PCDH15: variants seen among roughly 807,000 people sequenced by gnomAD.
The protein encoded by PCDH15 is protocadherin-15.
PCDH15 carries 129 observed loss-of-function variants against 178.5 expected under a neutral mutation model. The observed-to-expected ratio is 0.72, with a 90% CI of 0.63 to 0.84. PCDH15 has a LOEUF of 0.84. Among genes scored for constraint, PCDH15 ranks in the 40% least tolerant of loss-of-function variants. The pLI is 0.00. For synonymous variants in PCDH15, 800 were observed against 732.0 expected, an observed-to-expected ratio of 1.09 and a Z score of -1.50; for missense variants, 2,230 against 2,099.9, an observed-to-expected ratio of 1.06 and a Z score of -1.21.
rs577140718 is a variant in PCDH15 at position 54,925,822 on chromosome 10, A to T, written c.-79-28322T>A. 1.8e-4 allele frequency among the ~76,000 whole-genome samples: 27 copies of T among 152,232 alleles called. No homozygotes were observed. In the East Asian group the frequency reaches 3.9e-3, roughly 22 times the overall value. On this transcript the variant is annotated intron_variant, in intron 2 of 5. Transcript: ENST00000458638. ...TCCTGAGTTTTTGCTGAAGTTGTTT[A>T]TTAGCTTAAGAAACTTTTGAGCTGA...
intron 2 of PCDH15, among the ~76,000 whole-genome samples, chr10:55,616,064 T>A (rs1373988658): frequency 1.3e-5 from 2 of 152,306 alleles, no homozygotes; most frequent in East Asian, 3.9e-4. Flanking sequence ...TGTATCTAAG[T>A]GGGACAACAG....
At chr10:55,244,257 T>A (rs895170882) in intron 1 of PCDH15, among the ~76,000 whole-genome samples, 1 of 152,050 alleles carries the variant, frequency 6.6e-6, no homozygotes, top group Non-Finnish European at 1.5e-5. Context: ...TTTCTGCTTG[T>A]CTTTTATTTA....
At chr10:53,959,106 T>A (rs1045480255) in intron 23 of PCDH15, among the ~76,000 whole-genome samples, 1 of 149,000 alleles carries the variant, frequency 6.7e-6, no homozygotes, top group African/African-American at 2.5e-5. Context: ...AACTATAATA[T>A]ATAATATTGG....
chr10:54,027,178 C>T lies in PCDH15; in HGVS notation c.2221-3981G>A, dbSNP rs551925451. 5.5e-3 allele frequency among the ~76,000 whole-genome samples: 813 copies of T among 148,110 alleles called. 6 individuals carry two copies. The highest frequency in any genetic ancestry group is 0.02 in the African/African-American group (765 of 38,992). On this transcript the variant is annotated intron_variant, in intron 18 of 37. Transcript: ENST00000644397. The stretch of plus-strand genomic sequence containing the variant: ...AACAGAGAGCCAAATCATGAGTGAA[C>T]TCCCATTCACAATTGCTTCAAAGAG...
intron 4 of PCDH15, among the ~76,000 whole-genome samples, chr10:54,373,927 T>A (rs918831438): frequency 6.6e-6 from 1 of 151,968 alleles, no homozygotes; most frequent in Non-Finnish European, 1.5e-5. Flanking sequence ...TAAGAAAAAA[T>A]TGGATATGGT....
chr10:54,421,912 CTA>C (rs67936546), intron 3 of PCDH15, among the ~76,000 whole-genome samples: 58,317 of 98,720 alleles, frequency 0.59, 16,227 homozygotes, highest in Middle Eastern at 0.7. Flanking sequence ...TATATATACA[CTA>C]TATATATATA....
chr10:54,294,928 G>A (rs1207157750), intron 8 of PCDH15, among the ~76,000 whole-genome samples: 1 of 152,210 alleles, frequency 6.6e-6, no homozygotes, highest in African/African-American at 2.4e-5. Flanking sequence ...AATTTGGGAA[G>A]AAAGGATGGG....
chr10:55,269,987 A>C (rs1311636969), intron 1 of PCDH15, among the ~76,000 whole-genome samples: 1 of 152,178 alleles, frequency 6.6e-6, no homozygotes, highest in Non-Finnish European at 1.5e-5. Context: ...GAACAGTTAC[A>C]ACTATCAGAT....
chr10:54,383,242 A>C, intron 3 of PCDH15, among the ~76,000 whole-genome samples: 1 of 152,170 alleles, frequency 6.6e-6, no homozygotes, highest in East Asian at 1.9e-4. Context: ...CCAGCAAGAA[A>C]AAAAAAAGAC....
At chr10:54,948,406 A>C (rs1838245387) in intron 2 of PCDH15, among the ~76,000 whole-genome samples, 1 of 151,970 alleles carries the variant, frequency 6.6e-6, no homozygotes, top group African/African-American at 2.4e-5. Context: ...AATCTGCTTT[A>C]TCAATGTGAT....
chr10:54,733,801 G>A (rs1943715969), intron 1 of PCDH15, among the ~76,000 whole-genome samples: 1 of 150,948 alleles, frequency 6.6e-6, no homozygotes, highest in Admixed American at 6.7e-5. Context: ...CCACACAAAT[G>A]TTTATTTTCT....
intron 1 of PCDH15, among the ~76,000 whole-genome samples, chr10:54,738,753 G>A (rs559172153): frequency 6.6e-5 from 10 of 152,094 alleles, no homozygotes; most frequent in Admixed American, 4.6e-4. Flanking sequence ...TTAAACATAT[G>A]CTAATCAATA....
intron 3 of PCDH15, among the ~76,000 whole-genome samples, chr10:54,446,150 C>T (rs114879039): frequency 6.6e-6 from 1 of 151,504 alleles, no homozygotes; most frequent in Non-Finnish European, 1.5e-5. Context: ...AACTAGTACA[C>T]AAAACATTAG....
intron 2 of PCDH15, among the ~76,000 whole-genome samples, chr10:55,079,400 T>C (rs1841984127): frequency 6.6e-6 from 1 of 152,198 alleles, no homozygotes; most frequent in Non-Finnish European, 1.5e-5. Context: ...TGACTTAGAA[T>C]GTGGTTATTA....
intron 1 of PCDH15, among the ~76,000 whole-genome samples, chr10:54,790,977 TA>T (rs1951353473): frequency 1.3e-5 from 2 of 151,818 alleles, no homozygotes; most frequent in South Asian, 4.1e-4. Context: ...AGAAAAATAT[TA>T]AGACCCACAA....
intron 37 of PCDH15, 98 bp from the exon 38 acceptor site, chr10:53,807,228 G>T: frequency 1.0e-6 from 1 of 998,096 alleles, no homozygotes; most frequent in Non-Finnish European, 1.4e-6. Context: ...CATTTAGAAA[G>T]CTGTCAAAGG....
chr10:54,026,275 G>T (rs79665104), intron 18 of PCDH15, among the ~76,000 whole-genome samples: 155 of 152,014 alleles, frequency 1.0e-3, no homozygotes, highest in African/African-American at 3.5e-3. Flanking sequence ...TCCTCTTGTT[G>T]CCCAGGTCAG....
rs546701366 is a variant in PCDH15 at position 55,303,650 on chromosome 10, G to T, written c.-156+15949C>A. On this transcript the variant is annotated intron_variant, in intron 1 of 5. Coordinates refer to the PCDH15 transcript ENST00000458638. ...AATTTTGGTAGTTGGTGTTTTTTTTGGTAGAAATAGGTGTATTTCATCTAA... is the reference window on the plus strand; with the variant it reads ...AATTTTGGTAGTTGGTGTTTTTTTTTGTAGAAATAGGTGTATTTCATCTAA... 1.9e-3 allele frequency among the ~76,000 whole-genome samples: 285 copies of T among 151,836 alleles called. 3 individuals are homozygous for T. Among genetic ancestry groups the T allele is most frequent in the African/African-American group, 6.1e-3 (254 of 41,442 alleles).
chr10:54,077,542 C>T (rs1321901425), intron 17 of PCDH15, among the ~76,000 whole-genome samples: 7 of 151,868 alleles, frequency 4.6e-5, no homozygotes, highest in African/African-American at 1.7e-4. Flanking sequence ...TTCTTTTTTT[C>T]CTATTTTATT....
Sources: gnomAD v4.1 joint callset for allele counts (sites outside exome capture counted in the v4.1 genomes callset) on GRCh38, gnomAD v4.1.1 for gene constraint, MANE v1.5 for transcripts, NCBI Gene and HGNC (gene_info 2026-07-23, HGNC 2026-07-21) for gene names.